ACSF3: variants seen among roughly 807,000 people sequenced by gnomAD.
ACSF3 encodes the protein acyl-CoA synthetase family member 3.
A neutral mutation model predicts 53.2 loss-of-function variants in ACSF3; 78 were observed. The observed-to-expected ratio is 1.47, with a 90% CI of 1.22 to 1.77. The LOEUF (loss-of-function observed/expected upper bound fraction) is 1.77. ACSF3 is among the 40% of genes most tolerant of loss of function. The pLI, the probability that ACSF3 is intolerant of heterozygous loss-of-function variation, is 0.00. For synonymous variants in ACSF3, 414 were observed against 333.1 expected (o/e 1.24, Z -2.65); for missense variants, 937 against 771.1 (o/e 1.22, Z -2.55).
rs554841849 is a variant in ACSF3 at position 89,117,271 on chromosome 16, G to A, written c.1126+2784G>A. 1.1e-3 allele frequency among the ~76,000 whole-genome samples: 168 copies of A among 152,280 alleles called. 2 individuals carry two copies. Among genetic ancestry groups the A allele is most frequent in the African/African-American group, 3.6e-3 (151 of 41,542 alleles). ...TTGATCTTCTCGAAACAGCCCCTGC[G>A]ATGGGGTCATATTTTGCACTCACAT... On this transcript the variant is annotated intron_variant, in intron 6 of 10. Transcript: ENST00000614302.
At position 89,155,152 on chromosome 16, in the gene ACSF3, GC is replaced by G. The variant is rs1914581702; in HGVS notation, c.*947del. 3 of 454,038 alleles carry G rather than the reference GC, an allele frequency of 6.6e-6. No homozygotes were observed. Among genetic ancestry groups the G allele is most frequent in the Middle Eastern group, 6.8e-4 (1 of 1,468 alleles). 28.1% of individuals were successfully genotyped at this position (454,038 alleles called of 1,614,324 possible). ...GCGGGGCCAATTCAGATGCACAGGG[GC>G]CACATGCAGAATCCAGAAGTTTCTG... is the stretch of plus-strand genomic sequence containing the variant. On this transcript the variant is annotated 3_prime_UTR_variant, in exon 11 of 11. Coordinates refer to ENST00000614302, the MANE Select transcript of ACSF3 (RefSeq NM_001243279.3).
In ACSF3 at chr16:89,145,346, C is replaced by T. The variant is rs867782575; in HGVS notation, c.1446C>T (p.Tyr482=). Residue 482 remains tyrosine, a synonymous_variant, in exon 9 of 11, where the codon TAC becomes TAT. Coordinates refer to ENST00000614302, the MANE Select transcript of ACSF3 (RefSeq NM_001243279.3). ...TGGACATCATCAAGACTGGAGGCTA[C>T]AAGGTCAGCGCCCTGGAGGTGGAGT... ...TSVDIIKTGG[Y]KVSALEVEWH... is the part of the protein sequence containing the mutation. 6.2e-7 allele frequency: 1 copy of T among 1,614,212 alleles called. No individual in the cohort carries two copies. The highest frequency in any genetic ancestry group is 1.3e-5 in the African/African-American group (1 of 75,060).
chr16:89,102,566 C>T, intron 3 of ACSF3, 38 bp from the exon 4 acceptor site: 1 of 1,611,624 alleles, frequency 6.2e-7, no homozygotes, highest in Non-Finnish European at 8.5e-7. Context: ...GGGCCACAGT[C>T]TTGCTCTTGC....
intron 2 of ACSF3, among the ~76,000 whole-genome samples, 157 bp downstream of exon 2, chr16:89,098,920 G>T (rs1245101999): frequency 2.0e-5 from 3 of 152,244 alleles, no homozygotes; most frequent in Non-Finnish European, 4.4e-5. Flanking sequence ...AATAATACTT[G>T]TTCAAAGTCC....
intron 5 of ACSF3, 78 bp downstream of exon 5, chr16:89,112,324 C>T (rs1976792608): frequency 1.3e-6 from 2 of 1,567,486 alleles, no homozygotes; most frequent in Non-Finnish European, 1.8e-6. Context: ...ATAAATCACT[C>T]CTACTAAGTT....
chr16:89,153,832 C>T (rs1182794394), intron 10 of ACSF3: 2 of 535,540 alleles, frequency 3.7e-6, no homozygotes, highest in Non-Finnish European at 6.8e-6. Context: ...TGTGCCCTCG[C>T]CCAAGGCCTG....
chr16:89,118,220 C>G (rs1176423656), intron 6 of ACSF3, among the ~76,000 whole-genome samples: 1 of 149,974 alleles, frequency 6.7e-6, no homozygotes, highest in Non-Finnish European at 1.5e-5. Flanking sequence ...GCAGAGCATA[C>G]GGCAGTTTCC....
chr16:89,101,833 A>G (rs1394734830), intron 3 of ACSF3, among the ~76,000 whole-genome samples: 2 of 152,256 alleles, frequency 1.3e-5, no homozygotes, highest in African/African-American at 2.4e-5. Context: ...GCAATCAAGT[A>G]AAAATGAAAA....
chr16:89,110,805 C>T (rs539386832), intron 4 of ACSF3, among the ~76,000 whole-genome samples: 102 of 152,312 alleles, frequency 6.7e-4, no homozygotes, highest in African/African-American at 2.3e-3. Context: ...TCTCTCCACC[C>T]GCTTATCTGT....
intron 7 of ACSF3, among the ~76,000 whole-genome samples, chr16:89,129,137 T>G (rs1908778386): frequency 6.6e-6 from 1 of 152,128 alleles, no homozygotes; most frequent in African/African-American, 2.4e-5. Context: ...CCTGCTCGTT[T>G]TAGGAAATGT....
At chr16:89,134,050 T>C (rs1340196786) in intron 8 of ACSF3, among the ~76,000 whole-genome samples, 4 of 152,222 alleles carry the variant, frequency 2.6e-5, no homozygotes, top group African/African-American at 9.6e-5. Flanking sequence ...GGACAGTGGA[T>C]ATTTCGACAT....
At chr16:89,142,523 A>G (rs1001381115) in intron 8 of ACSF3, among the ~76,000 whole-genome samples, 1 of 82,670 alleles carries the variant, frequency 1.2e-5, no homozygotes, top group African/African-American at 6.0e-5. Context: ...AGACATACCC[A>G]CACCTGCAGA....
At chr16:89,136,151 G>C (rs1167772009) in intron 8 of ACSF3, among the ~76,000 whole-genome samples, 1 of 152,256 alleles carries the variant, frequency 6.6e-6, no homozygotes, top group East Asian at 1.9e-4. Context: ...CAGCCCTGTG[G>C]ATTTTGCGAG....
intron 1 of ACSF3, among the ~76,000 whole-genome samples, chr16:89,097,218 G>A: frequency 6.6e-6 from 1 of 152,238 alleles, no homozygotes; most frequent in Non-Finnish European, 1.5e-5. Context: ...GCTTGAACTC[G>A]CTTTGTCAGA....
intron 7 of ACSF3, among the ~76,000 whole-genome samples, chr16:89,128,798 G>C (rs1405849674): frequency 6.6e-6 from 1 of 152,036 alleles, no homozygotes; most frequent in Non-Finnish European, 1.5e-5. Flanking sequence ...CCCAGAATGT[G>C]GTTTCTTTTC....
In ACSF3 at chr16:89,101,336, A is replaced by T. The variant is rs774400928; in HGVS notation, c.655A>T (p.Ile219Phe). The T allele has an allele frequency of 6.3e-7, 1 of 1,587,804 alleles. No homozygotes were observed. The highest frequency in any genetic ancestry group is 1.3e-5 in the African/African-American group (1 of 74,528). ...GGGCGTGCTGAGCACGCACCAAAACATCAGGGCTGTGGTGAGTGCCGCCTG... is the reference window on the plus strand; with the variant it reads ...GGGCGTGCTGAGCACGCACCAAAACTTCAGGGCTGTGGTGAGTGCCGCCTG... ...PKGVLSTHQN[I>F]RAVVTGLVHK... The change falls in exon 3 of 11, where the codon ATC becomes TTC. Residue 219 changes from isoleucine to phenylalanine, a missense_variant. Physicochemically the swap from Ile to Phe is conservative, Grantham distance 21. Transcript: ENST00000614302.
At chr16:89,147,150 G>GCGA (rs1913118310) in intron 10 of ACSF3, among the ~76,000 whole-genome samples, 1 of 145,444 alleles carries the variant, frequency 6.9e-6, no homozygotes, top group Non-Finnish European at 1.5e-5. Flanking sequence ...GAGCCACAGA[G>GCGA]TGAGTGAGGG....
intron 7 of ACSF3, among the ~76,000 whole-genome samples, chr16:89,128,161 C>T (rs1908528188): frequency 6.6e-6 from 1 of 151,618 alleles, no homozygotes; most frequent in Non-Finnish European, 1.5e-5. Context: ...TGAGACCTTT[C>T]CTCTTTATAA....
At chr16:89,146,231 G>T (rs1327842696) in intron 10 of ACSF3, among the ~76,000 whole-genome samples, 182 bp downstream of exon 10, 1 of 152,290 alleles carries the variant, frequency 6.6e-6, no homozygotes, top group Admixed American at 6.5e-5. Flanking sequence ...AGGGCAGGGG[G>T]CAGGAGCCGT....
Sources: gnomAD v4.1 joint callset for allele counts (sites outside exome capture counted in the v4.1 genomes callset) on GRCh38, gnomAD v4.1.1 for gene constraint, MANE v1.5 for transcripts, NCBI Gene and HGNC (gene_info 2026-07-23, HGNC 2026-07-21) for gene names.